Variants in SLC9C1 observed in about 807,000 individuals in gnomAD.
SLC9C1 encodes the protein solute carrier family 9 member C1, also known as sodium/hydrogen exchanger 10.
A neutral mutation model predicts 140.9 loss-of-function variants in SLC9C1; 97 were observed. That is an observed-to-expected ratio of 0.69 (90% CI 0.58 to 0.82). SLC9C1 has a LOEUF of 0.82. Among genes scored for constraint, SLC9C1 ranks in the 40% least tolerant of loss-of-function variants. SLC9C1 has a pLI of 0.00. For missense variants in SLC9C1, 1,340 were observed against 1,389.3 expected, an observed-to-expected ratio of 0.96 and a Z score of 0.56; for synonymous variants, 440 against 442.6, an observed-to-expected ratio of 0.99 and a Z score of 0.07.
intron 20 of SLC9C1, among the ~76,000 whole-genome samples, chr3:112,183,122 G>A (rs1362982067): frequency 1.3e-5 from 2 of 151,924 alleles, no homozygotes; most frequent in Non-Finnish European, 2.9e-5. Context: ...TCCGATTGCT[G>A]GATCATAAAG....
Position 112,272,089 on chromosome 3 carries a change from C to T in SLC9C1, c.614-2012G>A, listed in dbSNP as rs192923624. Among the ~76,000 whole-genome samples the T allele has an allele frequency of 1.1e-4, 16 of 152,272 alleles. No individual in the cohort carries two copies. The East Asian group carries it at 1.9e-3, about 18-fold the overall frequency. ...CATCAGAGGCTCTTTGCTGGAACTACACATGCCTCTAGGCCACATGAGCTC... is the reference window on the plus strand; with the variant it reads ...CATCAGAGGCTCTTTGCTGGAACTATACATGCCTCTAGGCCACATGAGCTC... On this transcript the variant is annotated intron_variant, in intron 6 of 28. Coordinates refer to ENST00000305815, the MANE Select transcript of SLC9C1 (RefSeq NM_183061.3).
chr3:112,182,939 T>C (rs1227609062), intron 20 of SLC9C1, among the ~76,000 whole-genome samples: 1 of 152,220 alleles, frequency 6.6e-6, no homozygotes, highest in Non-Finnish European at 1.5e-5. Context: ...AAAGCAAAAA[T>C]TTATTCATTT....
chr3:112,160,921 C>T (rs1006615933), intron 26 of SLC9C1, among the ~76,000 whole-genome samples: 2 of 152,114 alleles, frequency 1.3e-5, no homozygotes, highest in East Asian at 1.9e-4. Context: ...CCACATCCTC[C>T]CCAGCACCTG....
chr3:112,233,065 A>AT (rs1249669472), intron 12 of SLC9C1, among the ~76,000 whole-genome samples: 17 of 70,998 alleles, frequency 2.4e-4, no homozygotes, highest in East Asian at 1.4e-3. Context: ...ATATATATAT[A>AT]TATTATATTT....
At chr3:112,147,932 C>T (rs1414821987) in intron 28 of SLC9C1, among the ~76,000 whole-genome samples, 1 of 152,118 alleles carries the variant, frequency 6.6e-6, no homozygotes, top group Non-Finnish European at 1.5e-5. Context: ...TTTATATAAT[C>T]CCATATTTCT....
chr3:112,240,103 C>G (rs1256101214), intron 11 of SLC9C1, 97 bp from the exon 12 acceptor site: 44 of 1,143,290 alleles, frequency 3.8e-5, no homozygotes, highest in Non-Finnish European at 5.2e-5. Flanking sequence ...TGTCACTAAT[C>G]TTTAAATAAA....
At chr3:112,160,585 C>A (rs1395162566) in intron 26 of SLC9C1, among the ~76,000 whole-genome samples, 1 of 151,874 alleles carries the variant, frequency 6.6e-6, no homozygotes, top group Non-Finnish European at 1.5e-5. Flanking sequence ...CATGTCCCCA[C>A]AAAGGACATG....
At chr3:112,180,706 G>C (rs772089264) in intron 21 of SLC9C1, 44 bp from the exon 22 acceptor site, 20 of 1,480,028 alleles carry the variant, frequency 1.4e-5, no homozygotes, top group Non-Finnish European at 1.8e-5. Context: ...CAACATTTTA[G>C]AAGTGGTTGG....
At chr3:112,173,518 T>C (rs2077283221) in intron 23 of SLC9C1, among the ~76,000 whole-genome samples, 1 of 152,246 alleles carries the variant, frequency 6.6e-6, no homozygotes, top group South Asian at 2.1e-4. Flanking sequence ...CATTTATAAA[T>C]GAGAACATGC....
intron 2 of SLC9C1, among the ~76,000 whole-genome samples, chr3:112,281,141 T>C (rs972667938): frequency 1.3e-5 from 2 of 152,210 alleles, no homozygotes; most frequent in Admixed American, 1.3e-4. Context: ...GTAAGTAAAC[T>C]TTAATGAAAT....
At chr3:112,208,091 T>C (rs2078105741) in intron 16 of SLC9C1, 87 bp downstream of exon 16, 2 of 1,048,676 alleles carry the variant, frequency 1.9e-6, no homozygotes, top group Admixed American at 2.8e-5. Flanking sequence ...TTCAGAAAAT[T>C]GTCTGTTGCT....
chr3:112,255,373 T>C (rs1323704180), intron 10 of SLC9C1, among the ~76,000 whole-genome samples: 5 of 152,006 alleles, frequency 3.3e-5, no homozygotes, highest in Non-Finnish European at 7.4e-5. Context: ...AAAAAAATCA[T>C]ACTGAACACA....
At chr3:112,267,367 G>A (rs946597912) in intron 7 of SLC9C1, among the ~76,000 whole-genome samples, 2 of 151,930 alleles carry the variant, frequency 1.3e-5, no homozygotes, top group African/African-American at 4.8e-5. Flanking sequence ...ATGAGGTCAG[G>A]AGATTGAGAC....
chr3:112,255,326 C>T (rs1406732369), intron 10 of SLC9C1, among the ~76,000 whole-genome samples: 1 of 151,954 alleles, frequency 6.6e-6, no homozygotes, highest in Non-Finnish European at 1.5e-5. Flanking sequence ...ATCAACCACA[C>T]AATCAAACGT....
intron 11 of SLC9C1, among the ~76,000 whole-genome samples, chr3:112,243,598 A>T (rs535250261): frequency 6.6e-6 from 1 of 152,296 alleles, no homozygotes; most frequent in East Asian, 1.9e-4. Flanking sequence ...CCTCAGCATC[A>T]CACAATATAC....
chr3:112,212,323 C>T (rs958135404), intron 15 of SLC9C1, among the ~76,000 whole-genome samples: 2 of 152,322 alleles, frequency 1.3e-5, no homozygotes, highest in Admixed American at 6.5e-5. Flanking sequence ...AAGAACATAG[C>T]TCCTCACCAG....
chr3:112,216,625 A>G (rs2078379092), intron 15 of SLC9C1, among the ~76,000 whole-genome samples: 1 of 152,218 alleles, frequency 6.6e-6, no homozygotes, highest in South Asian at 2.1e-4. Context: ...ATCACTCGCC[A>G]TCAGAGAAAT....
chr3:112,155,519 G>A (rs764863992), intron 26 of SLC9C1, among the ~76,000 whole-genome samples: 11 of 152,114 alleles, frequency 7.2e-5, no homozygotes, highest in Non-Finnish European at 1.5e-4. Flanking sequence ...GTCACATAGC[G>A]CAGTTTTGTG....
At chr3:112,243,452 G>A (rs1559705307) in intron 11 of SLC9C1, among the ~76,000 whole-genome samples, 2 of 152,162 alleles carry the variant, frequency 1.3e-5, no homozygotes, top group Non-Finnish European at 2.9e-5. Flanking sequence ...TAAACATTGA[G>A]TACACATGAA....
Sources: allele counts gnomAD v4.1 joint callset (sites outside exome capture counted in the v4.1 genomes callset), GRCh38; gene constraint gnomAD v4.1.1; transcripts MANE v1.5; gene names NCBI Gene and HGNC (gene_info 2026-07-23, HGNC 2026-07-21).